SUFU: variants seen among roughly 807,000 people sequenced by gnomAD.
SUFU encodes the protein SUFU negative regulator of hedgehog signaling, also known as suppressor of fused homolog.
A neutral mutation model predicts 58.9 loss-of-function variants in SUFU; 7 were observed. That is an observed-to-expected ratio of 0.12 (90% CI 0.07 to 0.22). The LOEUF (loss-of-function observed/expected upper bound fraction) is 0.22, where lower values mean the gene tolerates loss of function less well. SUFU is among the 10% of genes least tolerant of loss of function. The pLI is 1.00. For synonymous variants in SUFU, 232 were observed against 254.8 expected, an observed-to-expected ratio of 0.91 and a Z score of 0.85; for missense variants, 451 against 641.3, an observed-to-expected ratio of 0.70 and a Z score of 3.20.
chr10:102,587,835 T>C (rs1035986856), intron 3 of SUFU, among the ~76,000 whole-genome samples: 1 of 152,202 alleles, frequency 6.6e-6, no homozygotes, highest in Non-Finnish European at 1.5e-5. Context: ...AATTTACCTA[T>C]CCTTTGTTAC....
chr10:102,597,217 G>C lies in SUFU; in HGVS notation c.834G>C (p.Leu278=), dbSNP rs773747013. Residue 278 remains leucine, a synonymous_variant, in exon 7 of 12, where the codon CTG becomes CTC. Transcript: ENST00000369902. ...GVSAKCAWDD[L]SRPPEDDEDS... Reference sequence around the variant, plus strand: ...GTGCCAAGTGTGCCTGGGATGACCTGAGCCGGCCCCCCGAGGATGACGAGG... The same window carrying C: ...GTGCCAAGTGTGCCTGGGATGACCTCAGCCGGCCCCCCGAGGATGACGAGG... 1.2e-6 allele frequency: 2 copies of C among 1,614,020 alleles called. No homozygotes were observed. Among genetic ancestry groups the C allele is most frequent in the Non-Finnish European group, 8.5e-7 (1 of 1,180,012 alleles).
chr10:102,513,738 C>T (rs1354064648), intron 2 of SUFU, among the ~76,000 whole-genome samples: 2 of 152,154 alleles, frequency 1.3e-5, no homozygotes, highest in African/African-American at 4.8e-5. Flanking sequence ...ACCAACAACG[C>T]TTTTAGGAGT....
At chr10:102,567,339 G>T (rs1397364822) in intron 3 of SUFU, among the ~76,000 whole-genome samples, 1 of 152,030 alleles carries the variant, frequency 6.6e-6, no homozygotes, top group Non-Finnish European at 1.5e-5. Flanking sequence ...AAAAAGGCCA[G>T]GGCAGTGGCT....
intron 2 of SUFU, among the ~76,000 whole-genome samples, chr10:102,519,176 T>C (rs974307794): frequency 7.0e-6 from 1 of 141,994 alleles, no homozygotes; most frequent in African/African-American, 2.6e-5. Flanking sequence ...TTCAGGGCAA[T>C]GGCAGGAGGG....
At chr10:102,515,310 C>T (rs904234863) in intron 2 of SUFU, among the ~76,000 whole-genome samples, 20 of 148,680 alleles carry the variant, frequency 1.3e-4, no homozygotes, top group Admixed American at 1.2e-3. Context: ...CTTAGTTTGC[C>T]GGAACTTTTT....
chr10:102,616,224 C>T (rs1341306972), intron 9 of SUFU, among the ~76,000 whole-genome samples: 1 of 152,226 alleles, frequency 6.6e-6, no homozygotes, highest in African/African-American at 2.4e-5. Flanking sequence ...GAACTCAGCT[C>T]TGTGCTCAGG....
Position 102,599,479 on chromosome 10 carries a change from C to G in SUFU, c.957C>G (p.Asn319Lys), listed in dbSNP as rs535845342. Residue 319 changes from asparagine to lysine, a missense_variant, in exon 8 of 12, where the codon AAC becomes AAG. Coordinates refer to ENST00000369902, the MANE Select transcript of SUFU (RefSeq NM_016169.4). ...RETLRRGLEI[N>K]SKPVLPPINP... ...CCCTGAGGAGAGGACTCGAGATCAA[C>G]AGCAAACCTGTCCTTCCACCAATCA... 1.2e-6 allele frequency: 2 copies of G among 1,614,212 alleles called. No homozygotes were observed. The highest frequency in any genetic ancestry group is 4.5e-5 in the East Asian group (2 of 44,876).
intron 3 of SUFU, among the ~76,000 whole-genome samples, chr10:102,584,378 T>C (rs1198993714): frequency 1.3e-5 from 2 of 152,144 alleles, no homozygotes; most frequent in African/African-American, 4.8e-5. Flanking sequence ...GATGGGGTCT[T>C]ACTATGTTGC....
Position 102,625,988 on chromosome 10 carries a change from C to G in SUFU, c.1297-1187C>G, listed in dbSNP as rs7086434. 1.1e-4 allele frequency among the ~76,000 whole-genome samples: 16 copies of G among 152,320 alleles called. No homozygotes were observed. Among genetic ancestry groups the G allele is most frequent in the African/African-American group, 3.4e-4 (14 of 41,556 alleles). On this transcript the variant is annotated intron_variant, in intron 10 of 11. Transcript: ENST00000369902. The surrounding 1 kb of genome is among the most constrained non-coding windows in gnomAD (Gnocchi z 4.7). The stretch of plus-strand genomic sequence containing the variant: ...CTCCTCCTCACAGGGAGGGTTTCCC[C>G]TCAGAGGAGCCCCTCACCTGGATCT...
At chr10:102,557,876 A>G (rs2135763939) in intron 3 of SUFU, among the ~76,000 whole-genome samples, 1 of 151,154 alleles carries the variant, frequency 6.6e-6, no homozygotes, top group East Asian at 1.9e-4. Context: ...TTGTGCTTTT[A>G]ACTTCGGTGT....
At chr10:102,555,100 C>T (rs149199726) in intron 3 of SUFU, among the ~76,000 whole-genome samples, 1 of 151,902 alleles carries the variant, frequency 6.6e-6, no homozygotes, top group Non-Finnish European at 1.5e-5. Flanking sequence ...AACCCCGTCT[C>T]TACTAAAAAT....
chr10:102,514,313 G>T (rs1210227712), intron 2 of SUFU, among the ~76,000 whole-genome samples: 1 of 152,200 alleles, frequency 6.6e-6, no homozygotes, highest in Non-Finnish European at 1.5e-5. Flanking sequence ...CTCCTGGCAG[G>T]CATGCTTCAG....
chr10:102,576,991 G>A (rs1036676775), intron 3 of SUFU, among the ~76,000 whole-genome samples: 1 of 151,872 alleles, frequency 6.6e-6, no homozygotes, highest in Non-Finnish European at 1.5e-5. Flanking sequence ...GTGAATCACT[G>A]TACCCAGTCT....
intron 8 of SUFU, among the ~76,000 whole-genome samples, chr10:102,614,588 AC>A (rs2063663749): frequency 7.5e-6 from 1 of 133,888 alleles, no homozygotes; most frequent in Non-Finnish European, 1.6e-5. Context: ...AAAAACAAAA[AC>A]CAAAGGCTGG....
In SUFU at chr10:102,610,392, C is replaced by CAAAA. The variant is rs541858690; in HGVS notation, c.1023-4868_1023-4865dup. Among the ~76,000 whole-genome samples the CAAAA allele has an allele frequency of 8.9e-5, 11 of 124,060 alleles. 2 individuals carry two copies. Among genetic ancestry groups the CAAAA allele is most frequent in the Admixed American group, 1.7e-4 (2 of 11,484 alleles). 81.4% of individuals were successfully genotyped at this position (124,060 alleles called of 152,430 possible). Reference sequence around the variant, plus strand: ...TGGGCGTCGCAGCAAGACTCTGTCTCAAAAAAAAAAAGAAAAAGAGAAAAG... The same window carrying CAAAA: ...TGGGCGTCGCAGCAAGACTCTGTCTCAAAAAAAAAAAAAAAGAAAAAGAGAAAAG... On this transcript the variant is annotated intron_variant, in intron 8 of 11. Coordinates refer to ENST00000369902, the MANE Select transcript of SUFU (RefSeq NM_016169.4).
intron 10 of SUFU, among the ~76,000 whole-genome samples, chr10:102,624,356 T>G (rs1237802855): frequency 6.6e-6 from 1 of 152,186 alleles, no homozygotes; most frequent in Non-Finnish European, 1.5e-5. Context: ...CAGCTCCAGG[T>G]CTGAAATATA....
rs2063829538 is a variant in SUFU, at chr10:102,630,602, G to A, written c.*447G>A. 3.0e-6 allele frequency: 1 copy of A among 328,574 alleles called. No homozygotes were observed. The highest frequency in any genetic ancestry group is 5.8e-6 in the Non-Finnish European group (1 of 173,366). The allele number at this position is 328,574 out of a possible 1,614,324, so 20.4% of individuals were successfully genotyped here. ...ATCTCTGGAAGCCTTTGCTACTCAA[G>A]CTCCTCTGGCCGCGGAACAATTCCT... On this transcript the variant is annotated 3_prime_UTR_variant, in exon 12 of 12. Transcript: ENST00000369902.
At chr10:102,613,687 G>A (rs777235411) in intron 8 of SUFU, among the ~76,000 whole-genome samples, 2 of 152,264 alleles carry the variant, frequency 1.3e-5, no homozygotes, top group Non-Finnish European at 2.9e-5. Context: ...GAGATTCACA[G>A]CCCAAACCAG....
At chr10:102,532,325 A>T (rs1033929562) in intron 2 of SUFU, among the ~76,000 whole-genome samples, 1 of 152,176 alleles carries the variant, frequency 6.6e-6, no homozygotes, top group Non-Finnish European at 1.5e-5. Flanking sequence ...AGCCCCACAC[A>T]GGCCAGCCCT....
Sources: gnomAD v4.1 joint callset for allele counts (sites outside exome capture counted in the v4.1 genomes callset) on GRCh38, gnomAD v4.1.1 for gene constraint, Gnocchi (gnomAD v3.1) non-coding constraint, MANE v1.5 for transcripts, NCBI Gene and HGNC (gene_info 2026-07-23, HGNC 2026-07-21) for gene names.